Variants in ZFAT observed in about 807,000 individuals in gnomAD.
ZFAT encodes the protein zinc finger protein ZFAT.
In ZFAT, 64 loss-of-function variants were observed where a neutral mutation model predicts 117.7. The ratio of observed to expected loss-of-function variants is 0.54; its 90% confidence interval spans 0.44 to 0.67. ZFAT has a LOEUF of 0.67. Among genes scored for constraint, ZFAT ranks in the 30% least tolerant of loss-of-function variants. The pLI is 0.00. For synonymous variants in ZFAT, 679 were observed against 615.0 expected, an observed-to-expected ratio of 1.10 and a Z score of -1.54; for missense variants, 1,433 against 1,584.5, an observed-to-expected ratio of 0.90 and a Z score of 1.62.
chr8:134,628,151 A>G (rs1264509305), intron 3 of ZFAT, among the ~76,000 whole-genome samples: 4 of 152,168 alleles, frequency 2.6e-5, no homozygotes, highest in Non-Finnish European at 5.9e-5. Flanking sequence ...CATTCCATAG[A>G]GAAGGGACAG....
At chr8:134,677,977 C>A (rs1832886080) in intron 1 of ZFAT, among the ~76,000 whole-genome samples, 5 of 152,086 alleles carry the variant, frequency 3.3e-5, no homozygotes, top group Admixed American at 3.3e-4. Context: ...TATGACAAAC[C>A]CACAGCCAAT....
At chr8:134,738,733 G>A in the ZFAT span, among the ~76,000 whole-genome samples, 12 of 152,144 alleles carry the variant, frequency 7.9e-5, no homozygotes, top group Non-Finnish European at 1.3e-4. Context: ...GAACGAGGAG[G>A]GGGAGGTAAC....
intron 1 of ZFAT, among the ~76,000 whole-genome samples, chr8:134,698,470 T>C (rs1474873849): frequency 1.3e-5 from 2 of 152,176 alleles, no homozygotes; most frequent in African/African-American, 4.8e-5. Flanking sequence ...CCAGTAGTCT[T>C]GCTAAAGAAT....
At chr8:134,688,064 C>T (rs1312867540) in intron 1 of ZFAT, among the ~76,000 whole-genome samples, 1 of 152,054 alleles carries the variant, frequency 6.6e-6, no homozygotes, top group African/African-American at 2.4e-5. Context: ...ATGGAGATAA[C>T]CACAGCTGCC....
rs768738734 is a variant in ZFAT, at chr8:134,601,872, G to T, written c.1847C>A (p.Pro616Gln). The T allele has an allele frequency of 1.2e-6, 2 of 1,613,002 alleles. No individual in the cohort carries two copies. The highest frequency in any genetic ancestry group is 1.7e-6 in the Non-Finnish European group (2 of 1,179,372). Residue 616 changes from proline (P) to glutamine (Q), a missense_variant, in exon 6 of 16, where the codon CCA becomes CAA. Physicochemically the swap from Pro to Gln is moderately conservative, Grantham distance 76. Around this residue, in one of 5 missense-constraint regions of ZFAT, gnomAD observed 372 missense variants for 355.6 expected, o/e 1.05. Coordinates refer to ENST00000377838, the MANE Select transcript of ZFAT (RefSeq NM_020863.4). ...AEAHAAPEKP[P>Q]DMQHRSSVQT... ...GACTGAGCTTCTGTGCTGCATGTCTGGGGGCTTCTCAGGAGCAGCATGAGC... is the reference window on the plus strand; with the variant it reads ...GACTGAGCTTCTGTGCTGCATGTCTTGGGGCTTCTCAGGAGCAGCATGAGC...
chr8:134,761,033 A>G, the ZFAT span, among the ~76,000 whole-genome samples: 1 of 152,300 alleles, frequency 6.6e-6, no homozygotes, highest in Non-Finnish European at 1.5e-5. Flanking sequence ...CTGGTCTTTT[A>G]TCTTAGAGGA....
At chr8:134,710,253 A>C (rs1297862562) in intron 1 of ZFAT, among the ~76,000 whole-genome samples, 1 of 152,230 alleles carries the variant, frequency 6.6e-6, no homozygotes, top group African/African-American at 2.4e-5. Flanking sequence ...AACAAAATGG[A>C]GCCAGAGGAT....
chr8:134,677,282 A>C (rs188421446), intron 1 of ZFAT, among the ~76,000 whole-genome samples: 1 of 152,330 alleles, frequency 6.6e-6, no homozygotes, highest in East Asian at 1.9e-4. Context: ...ATCCCACAGA[A>C]ATACAAACTA....
intron 1 of ZFAT, among the ~76,000 whole-genome samples, chr8:134,667,805 G>T (rs908667079): frequency 6.6e-6 from 1 of 152,102 alleles, no homozygotes; most frequent in Non-Finnish European, 1.5e-5. Flanking sequence ...CCGAAGCAGG[G>T]CGAGGCATCA....
At chr8:134,741,258 A>C in the ZFAT span, among the ~76,000 whole-genome samples, 1 of 151,324 alleles carries the variant, frequency 6.6e-6, no homozygotes, top group African/African-American at 2.4e-5. Flanking sequence ...TTTTAACTTC[A>C]TATTGGCTCA....
chr8:134,689,681 G>A (rs1021149793), intron 1 of ZFAT, among the ~76,000 whole-genome samples: 4 of 152,192 alleles, frequency 2.6e-5, no homozygotes, highest in Admixed American at 6.5e-5. Context: ...ATAGAAGGCC[G>A]AATTCAGTCA....
chr8:134,507,063 G>A (rs746329822), intron 15 of ZFAT, among the ~76,000 whole-genome samples: 1 of 152,212 alleles, frequency 6.6e-6, no homozygotes, highest in East Asian at 1.9e-4. Context: ...GAAAGCCCCT[G>A]ACATCAAGGT....
chr8:134,727,081 C>CT, the ZFAT span, among the ~76,000 whole-genome samples: 3 of 151,520 alleles, frequency 2.0e-5, no homozygotes, highest in Non-Finnish European at 4.4e-5. Flanking sequence ...AACTGGATGA[C>CT]TGACGCTAAA....
chr8:134,654,878 G>A (rs1330977614), intron 2 of ZFAT, among the ~76,000 whole-genome samples: 1 of 152,202 alleles, frequency 6.6e-6, no homozygotes, highest in Non-Finnish European at 1.5e-5. Context: ...GAAACATAGA[G>A]ACAAATGAAA....
chr8:134,789,801 C>A, the ZFAT span, among the ~76,000 whole-genome samples: 1 of 152,160 alleles, frequency 6.6e-6, no homozygotes, highest in Non-Finnish European at 1.5e-5. Context: ...TTCCTGATGT[C>A]TTTGGTCAAC....
At chr8:134,575,156 G>C (rs1825205994) in intron 10 of ZFAT, among the ~76,000 whole-genome samples, 1 of 152,092 alleles carries the variant, frequency 6.6e-6, no homozygotes, top group African/African-American at 2.4e-5. Flanking sequence ...CCATGCTGTG[G>C]GTTGATAATG....
At chr8:134,495,205 T>C (rs1365028664) in intron 15 of ZFAT, among the ~76,000 whole-genome samples, 1 of 152,186 alleles carries the variant, frequency 6.6e-6, no homozygotes, top group Non-Finnish European at 1.5e-5. Flanking sequence ...CCCATAGTTC[T>C]GGCGGCTAGA....
intron 11 of ZFAT, among the ~76,000 whole-genome samples, chr8:134,540,983 GCAC>G (rs1251364237): frequency 5.9e-5 from 9 of 152,192 alleles, no homozygotes; most frequent in Non-Finnish European, 1.2e-4. Flanking sequence ...CTGCCCACTG[GCAC>G]CAGAGGGGAG....
At chr8:134,829,906 A>G in the ZFAT span, among the ~76,000 whole-genome samples, 1 of 152,354 alleles carries the variant, frequency 6.6e-6, no homozygotes, top group Middle Eastern at 3.4e-3. Context: ...TAATATAGAA[A>G]TGTGTGTATA....
Sources: gnomAD v4.1 joint callset for allele counts (sites outside exome capture counted in the v4.1 genomes callset) on GRCh38, gnomAD v4.1.1 for gene constraint, gnomAD v4.1.1 regional missense constraint, MANE v1.5 for transcripts, NCBI Gene and HGNC (gene_info 2026-07-23, HGNC 2026-07-21) for gene names.